CACNA1C: variants seen among roughly 807,000 people sequenced by gnomAD.
CACNA1C encodes calcium voltage-gated channel subunit alpha1 C.
In CACNA1C, 30 loss-of-function variants were observed where a neutral mutation model predicts 229.0. That is an observed-to-expected ratio of 0.13 (90% CI 0.10 to 0.18). CACNA1C has a LOEUF of 0.18. CACNA1C is among the 10% of genes least tolerant of loss of function. The pLI, the probability that CACNA1C is intolerant of heterozygous loss-of-function variation, is 1.00. For missense variants in CACNA1C, 1,658 were observed against 2,845.0 expected (o/e 0.58, Z 9.49); for synonymous variants, 1,114 against 1,132.5 (o/e 0.98, Z 0.33).
Position 2,287,206 on chromosome 12 carries a change from T to C in CACNA1C, c.478-161770T>C, listed in dbSNP as rs974139487. ...ACTTTTAACCCCTTCTCTCCATTTT[T>C]CCCAAGGAATATTCTAGAGGAAGGG... is the stretch of plus-strand genomic sequence containing the variant. On this transcript the variant is annotated intron_variant, in intron 3 of 46. Transcript: ENST00000399655. The surrounding 1 kb of genome is among the most constrained non-coding windows in gnomAD (Gnocchi z 4.6). Among the ~76,000 whole-genome samples the C allele has an allele frequency of 2.0e-5, 3 of 152,200 alleles. No individual in the cohort carries two copies. The highest frequency in any genetic ancestry group is 2.9e-5 in the Non-Finnish European group (2 of 68,036).
Position 2,045,498 on chromosome 12 carries a change from A to G in CACNA1C, c.140-69726A>G, listed in dbSNP as rs575658442. 4.6e-5 allele frequency among the ~76,000 whole-genome samples: 7 copies of G among 152,332 alleles called. No homozygotes were observed. In the East Asian group the frequency reaches 1.4e-3, roughly 29 times the overall value. ...CCAAGCATTCAATTTCTCTAATTAA[A>G]TAGCCGAGGGTGATTGACTGAAAGG... On this transcript the variant is annotated intron_variant, in intron 1 of 46. Coordinates refer to the CACNA1C transcript ENST00000682462.
intron 7 of CACNA1C, among the ~76,000 whole-genome samples, chr12:2,496,788 A>G (rs192123313): frequency 6.6e-6 from 1 of 152,346 alleles, no homozygotes; most frequent in East Asian, 1.9e-4. Context: ...TGTGCAGATG[A>G]CAGAATAAGG....
Position 2,493,410 on chromosome 12 carries a change from A to G in CACNA1C, c.1113+24A>G. 7 of 1,586,218 alleles carry G rather than the reference A, an allele frequency of 4.4e-6. No individual in the cohort carries two copies. The highest frequency in any genetic ancestry group is 6.1e-6 in the Non-Finnish European group (7 of 1,155,784). ...GGGTACGTAGCATGAGTGGGCAGTC[A>G]GAGGGTGGGGGAACAGCGGCCGTGA... On this transcript the variant is annotated intron_variant, in intron 7 of 46. Coordinates refer to ENST00000399655, the MANE Select transcript of CACNA1C (RefSeq NM_000719.7). This position sits in a 1 kb window ranked among gnomAD's most constrained non-coding sequence, Gnocchi z 4.6.
In CACNA1C at chr12:2,035,310, C is replaced by T. The variant is rs192902330; in HGVS notation, c.139+64109C>T. 3.0e-4 allele frequency among the ~76,000 whole-genome samples: 45 copies of T among 152,334 alleles called. No homozygotes were observed. The South Asian group carries it at 6.2e-3, about 21-fold the overall frequency. On this transcript the variant is annotated intron_variant, in intron 1 of 46. Coordinates refer to the CACNA1C transcript ENST00000682462. ...GGAAACGAGAAAACCATTCTTTCCTCTTACCGGATGATGTGCGATGTCATT... is the reference window on the plus strand; with the variant it reads ...GGAAACGAGAAAACCATTCTTTCCTTTTACCGGATGATGTGCGATGTCATT...
chr12:2,219,356 C>T (rs916150173), intron 3 of CACNA1C, among the ~76,000 whole-genome samples: 1 of 152,214 alleles, frequency 6.6e-6, no homozygotes, highest in South Asian at 2.1e-4. Context: ...GCTCTTCTCC[C>T]CTCTTCTGCC....
intron 1 of CACNA1C, among the ~76,000 whole-genome samples, chr12:1,977,434 C>T (rs1440376328): frequency 6.6e-6 from 1 of 152,202 alleles, no homozygotes; most frequent in Non-Finnish European, 1.5e-5. Context: ...ATCTTCAAAG[C>T]TTTGTCTTAT....
chr12:2,237,092 G>T (rs572797473), intron 3 of CACNA1C, among the ~76,000 whole-genome samples: 1 of 152,310 alleles, frequency 6.6e-6, no homozygotes, highest in East Asian at 1.9e-4. Flanking sequence ...TGTCGTGTGG[G>T]GCATATGCCA....
rs142681218 is a variant in CACNA1C, at chr12:2,678,734, G to A, written c.5092-710G>A. ...AGTGGCCTCAGGGACATGGCATGGT[G>A]GTGACACAACCCGACAAGACACCAG... On this transcript the variant is annotated intron_variant, in intron 41 of 46. Transcript: ENST00000399655. This position sits in a 1 kb window ranked among gnomAD's most constrained non-coding sequence, Gnocchi z 4.1. Among the ~76,000 whole-genome samples the A allele has an allele frequency of 3.4e-3, 517 of 152,292 alleles. 2 individuals carry two copies. The highest frequency in any genetic ancestry group is 0.012 in the African/African-American group (483 of 41,564).
intron 3 of CACNA1C, among the ~76,000 whole-genome samples, chr12:2,212,956 G>A (rs961495315): frequency 2.0e-5 from 3 of 152,216 alleles, no homozygotes; most frequent in East Asian, 1.9e-4. Context: ...ATTGCTCAGT[G>A]ATGTTGATTG....
intron 1 of CACNA1C, among the ~76,000 whole-genome samples, chr12:2,003,296 G>A (rs1335654582): frequency 1.3e-5 from 2 of 152,216 alleles, no homozygotes; most frequent in African/African-American, 4.8e-5. Context: ...ATTAAGTTTT[G>A]ATGTTTATAC....
chr12:2,268,132 A>C (rs993625419), intron 3 of CACNA1C, among the ~76,000 whole-genome samples: 6 of 152,138 alleles, frequency 3.9e-5, no homozygotes, highest in African/African-American at 1.4e-4. Flanking sequence ...ATTGTCAGCA[A>C]ACCTTGACTG....
At chr12:2,341,728 G>A (rs1316378279) in intron 3 of CACNA1C, among the ~76,000 whole-genome samples, 1 of 152,206 alleles carries the variant, frequency 6.6e-6, no homozygotes, top group Non-Finnish European at 1.5e-5. Context: ...AATAAGTCTG[G>A]AACTAGTACG....
At chr12:2,044,898 G>A (rs879904722) in intron 1 of CACNA1C, among the ~76,000 whole-genome samples, 4 of 152,206 alleles carry the variant, frequency 2.6e-5, no homozygotes, top group African/African-American at 4.8e-5. Context: ...GGAAATTAAT[G>A]TGTGGAATTC....
At chr12:2,242,727 G>A (rs887585675) in intron 3 of CACNA1C, among the ~76,000 whole-genome samples, 34 of 152,324 alleles carry the variant, frequency 2.2e-4, no homozygotes, top group African/African-American at 7.9e-4. Flanking sequence ...CTTGGGCCCT[G>A]GTCCCGGGTC....
intron 6 of CACNA1C, among the ~76,000 whole-genome samples, chr12:2,491,996 CTT>C (rs1491418226): frequency 1.3e-4 from 18 of 137,822 alleles, no homozygotes; most frequent in Admixed American, 3.6e-4. Context: ...CTCTCTCTCT[CTT>C]TGGAAGTGTA....
intron 3 of CACNA1C, among the ~76,000 whole-genome samples, chr12:2,421,476 A>G (rs1452863440): frequency 6.6e-6 from 1 of 152,156 alleles, no homozygotes; most frequent in African/African-American, 2.4e-5. Context: ...ATCTGAGAGG[A>G]ACATCCCAGA....
At chr12:2,327,474 A>T (rs1163979063) in intron 3 of CACNA1C, among the ~76,000 whole-genome samples, 1 of 152,162 alleles carries the variant, frequency 6.6e-6, no homozygotes, top group African/African-American at 2.4e-5. Flanking sequence ...TTTCTTCCTG[A>T]TTCTGATTCT....
At chr12:2,273,656 G>T (rs1257855056) in intron 3 of CACNA1C, among the ~76,000 whole-genome samples, 4 of 152,196 alleles carry the variant, frequency 2.6e-5, no homozygotes, top group Non-Finnish European at 5.9e-5. Flanking sequence ...GGGTAACTTG[G>T]CAAACAAAGC....
chr12:2,299,923 G>C (rs907674902), intron 3 of CACNA1C, among the ~76,000 whole-genome samples: 7 of 152,144 alleles, frequency 4.6e-5, no homozygotes, highest in African/African-American at 1.7e-4. Context: ...GATTAAATGA[G>C]GTAATATGCG....
Sources: gnomAD v4.1 joint callset for allele counts (sites outside exome capture counted in the v4.1 genomes callset) on GRCh38, gnomAD v4.1.1 for gene constraint, Gnocchi (gnomAD v3.1) non-coding constraint, MANE v1.5 for transcripts, NCBI Gene and HGNC (gene_info 2026-07-23, HGNC 2026-07-21) for gene names.